Variants in NDUFAF6 observed in about 807,000 individuals in gnomAD.
The protein encoded by NDUFAF6 is NADH dehydrogenase (ubiquinone) complex I, assembly factor 6.
Under a neutral mutation model 40.8 loss-of-function variants are expected in NDUFAF6, and 45 were observed. The ratio of observed to expected loss-of-function variants is 1.10; its 90% CI spans 0.87 to 1.42. NDUFAF6 has a LOEUF of 1.42. NDUFAF6 is among the 40% of genes most tolerant of loss of function. NDUFAF6 has a pLI of 0.00. For missense variants in NDUFAF6, 435 were observed against 418.5 expected (o/e 1.04, Z -0.34); for synonymous variants, 185 against 155.9 (o/e 1.19, Z -1.39).
chr8:94,959,376 T>TTCTTC (rs1823364867), intron 1 of NDUFAF6, among the ~76,000 whole-genome samples: 1 of 151,984 alleles, frequency 6.6e-6, no homozygotes, highest in Non-Finnish European at 1.5e-5. Context: ...AGGAAGGAGG[T>TTCTTC]CAATGGGTTC....
intron 2 of NDUFAF6, chr8:94,984,058 T>C (rs1290816588): frequency 2.0e-5 from 3 of 152,218 alleles, no homozygotes; most frequent in African/African-American, 7.2e-5. Context: ...TGTTGATTTT[T>C]CAGCCTGTCC....
At chr8:95,041,425 A>T in intron 3 of NDUFAF6, 145 bp from the exon 4 acceptor site, 1 of 602,374 alleles carries the variant, frequency 1.7e-6, no homozygotes. Context: ...TTTCCCTGAT[A>T]CTTCTTTAAC....
chr8:95,038,363 A>T (rs796089231), intron 3 of NDUFAF6, among the ~76,000 whole-genome samples: 1 of 151,890 alleles, frequency 6.6e-6, no homozygotes, highest in South Asian at 2.1e-4. Context: ...AAATTTAGCG[A>T]ATATTTTCTT....
rs561440879 is a variant in NDUFAF6 at position 95,064,692 on chromosome 8, C to T, written c.*512-10941C>T. On this transcript the variant is annotated intron_variant and NMD_transcript_variant, in intron 9 of 9. Transcript: ENST00000520757. The stretch of plus-strand genomic sequence containing the variant: ...AAAACAATCTCTCTGACCTTCTGCT[C>T]TCCCTTCACCTGCTCCTTTTTTTTT... 9.4e-5 allele frequency among the ~76,000 whole-genome samples: 14 copies of T among 148,336 alleles called. No homozygotes were observed. In the East Asian group the frequency reaches 2.7e-3, roughly 29 times the overall value.
chr8:94,995,614 G>A (rs577493682), intron 2 of NDUFAF6, among the ~76,000 whole-genome samples: 8 of 151,622 alleles, frequency 5.3e-5, no homozygotes, highest in Non-Finnish European at 1.2e-4. Flanking sequence ...AAGAATGGCC[G>A]ACTTTATTCT....
intron 1 of NDUFAF6, chr8:94,928,394 A>G (rs766466459): frequency 3.9e-5 from 6 of 152,334 alleles, no homozygotes; most frequent in Non-Finnish European, 7.3e-5. Context: ...TCCTGAAGAC[A>G]TTAAGCTGGT....
intron 2 of NDUFAF6, among the ~76,000 whole-genome samples, chr8:95,086,165 T>C (rs1285690307): frequency 6.6e-6 from 1 of 152,106 alleles, no homozygotes; most frequent in Non-Finnish European, 1.5e-5. Context: ...AACAGGGGAC[T>C]GAAGGAGAAA....
intron 1 of NDUFAF6, among the ~76,000 whole-genome samples, chr8:94,963,872 A>G (rs1823797858): frequency 6.6e-6 from 1 of 152,248 alleles, no homozygotes; most frequent in Non-Finnish European, 1.5e-5. Context: ...TAAGAAGCTC[A>G]GTGCACAAGC....
chr8:95,024,158 G>C (rs1827828294), upstream of NDUFAF6, among the ~76,000 whole-genome samples: 2 of 152,300 alleles, frequency 1.3e-5, no homozygotes, highest in South Asian at 4.1e-4. Context: ...AGCAGGCTCT[G>C]GCCTATGGCC....
intron 1 of NDUFAF6, among the ~76,000 whole-genome samples, chr8:94,937,248 C>G (rs1821066682): frequency 6.6e-6 from 1 of 152,104 alleles, no homozygotes; most frequent in African/African-American, 2.4e-5. Flanking sequence ...CGAGACTAGC[C>G]TGGCAAATAT....
intron 2 of NDUFAF6, among the ~76,000 whole-genome samples, chr8:95,005,704 C>T (rs1826948005): frequency 6.6e-6 from 1 of 151,532 alleles, no homozygotes; most frequent in South Asian, 2.1e-4. Flanking sequence ...CAGACTCAAG[C>T]CCTCTTCCAC....
At chr8:94,986,119 T>C (rs1825886099) in intron 2 of NDUFAF6, among the ~76,000 whole-genome samples, 2 of 152,080 alleles carry the variant, frequency 1.3e-5, no homozygotes, top group Non-Finnish European at 2.9e-5. Context: ...GTGATCTGCC[T>C]GCCTCAGCCT....
chr8:94,924,672 G>A (rs1423630958), intron 1 of NDUFAF6, among the ~76,000 whole-genome samples: 1 of 152,194 alleles, frequency 6.6e-6, no homozygotes, highest in Non-Finnish European at 1.5e-5. Context: ...TGGACACTCT[G>A]TAAGTGGGCC....
chr8:95,076,766 G>T (rs2132045296), downstream of NDUFAF6, among the ~76,000 whole-genome samples: 2 of 152,164 alleles, frequency 1.3e-5, no homozygotes, highest in Middle Eastern at 3.4e-3. Context: ...CCAGCTACTT[G>T]GGAGGCTGAG....
intron 2 of NDUFAF6, among the ~76,000 whole-genome samples, chr8:95,088,787 G>A (rs960586193): frequency 3.3e-5 from 5 of 150,738 alleles, no homozygotes; most frequent in Non-Finnish European, 4.4e-5. Flanking sequence ...TTGAGACAGC[G>A]TCTCACTTTG....
chr8:95,034,762 C>G (rs1371813304), intron 2 of NDUFAF6: 1 of 152,310 alleles, frequency 6.6e-6, no homozygotes, highest in Admixed American at 6.5e-5. Context: ...GATGTTAATA[C>G]TTTTTCCCTT....
chr8:94,912,632 TA>T (rs567408916), intron 1 of NDUFAF6, among the ~76,000 whole-genome samples: 271 of 140,778 alleles, frequency 1.9e-3, no homozygotes, highest in Admixed American at 1.9e-3. Flanking sequence ...CTGTCTCTAC[TA>T]AAAAAAAAAA....
chr8:95,002,788 A>G (rs567799089), intron 2 of NDUFAF6, among the ~76,000 whole-genome samples: 5 of 152,342 alleles, frequency 3.3e-5, no homozygotes, highest in African/African-American at 1.2e-4. Flanking sequence ...TGGCTTAAGC[A>G]TAAGAGGCAC....
chr8:94,951,967 C>T (rs886248763), intron 2 of NDUFAF6, among the ~76,000 whole-genome samples: 1 of 152,250 alleles, frequency 6.6e-6, no homozygotes, highest in Non-Finnish European at 1.5e-5. Context: ...AGGTTCCCTG[C>T]CTGGGCAGAT....
Sources: allele counts gnomAD v4.1 joint callset (sites outside exome capture counted in the v4.1 genomes callset), GRCh38; gene constraint gnomAD v4.1.1; transcripts MANE v1.5; gene names NCBI Gene and HGNC (gene_info 2026-07-23, HGNC 2026-07-21).